The following IRAK2 variants were observed in gnomAD, a reference collection of about 807,000 sequenced individuals.
The protein encoded by IRAK2 is interleukin 1 receptor associated kinase 2.
A neutral mutation model predicts 72.0 loss-of-function variants in IRAK2; 57 were observed. The ratio of observed to expected loss-of-function variants is 0.79; its 90% CI spans 0.64 to 0.99. IRAK2 has a LOEUF of 0.99. Among genes scored for constraint, IRAK2 ranks in the 50% least tolerant of loss-of-function variants. The pLI, the probability that IRAK2 is intolerant of heterozygous loss-of-function variation, is 0.00. For synonymous variants in IRAK2, 293 were observed against 312.7 expected, an observed-to-expected ratio of 0.94 and a Z score of 0.67; for missense variants, 790 against 794.4, an observed-to-expected ratio of 0.99 and a Z score of 0.07.
Position 10,200,459 on chromosome 3 carries a change from C to G in IRAK2, c.368C>G (p.Ala123Gly), listed in dbSNP as rs1005302033. 6.2e-7 allele frequency: 1 copy of G among 1,607,740 alleles called. No individual in the cohort carries two copies. Among genetic ancestry groups the G allele is most frequent in the African/African-American group, 1.3e-5 (1 of 74,848 alleles). Residue 123 changes from alanine to glycine, a missense_variant, in exon 3 of 13, where the codon GCT becomes GGT. Ala to Gly is a moderately conservative substitution (Grantham distance 60). Coordinates refer to ENST00000256458, the MANE Select transcript of IRAK2 (RefSeq NM_001570.4). Reference protein sequence around the residue: ...EKPLAASVRKAEDEQEEGQPV... With the variant: ...EKPLAASVRKGEDEQEEGQPV... ...CCTTTGGCAGCTTCTGTAAGAAAGG[C>G]TGAGGATGAACAGGAAGAGGGGCAG...
chr3:10,229,792 A>G (rs1477552852), intron 10 of IRAK2, among the ~76,000 whole-genome samples: 1 of 152,178 alleles, frequency 6.6e-6, no homozygotes, highest in Non-Finnish European at 1.5e-5. Context: ...CAACACAAAC[A>G]TTCTTATTTT....
chr3:10,181,474 C>T (rs536268548), intron 2 of IRAK2, among the ~76,000 whole-genome samples: 63 of 152,076 alleles, frequency 4.1e-4, no homozygotes, highest in African/African-American at 1.4e-3. Flanking sequence ...TAGCTGGGCT[C>T]CTGTAGTCCC....
intron 10 of IRAK2, among the ~76,000 whole-genome samples, chr3:10,230,181 G>C (rs1022330470): frequency 2.0e-5 from 3 of 152,072 alleles, no homozygotes; most frequent in Non-Finnish European, 4.4e-5. Context: ...ATTCAGAATA[G>C]TATATAGTAT....
In IRAK2 at chr3:10,242,258, C is replaced by A; in HGVS notation, c.*30C>A. ...CGGAACACAGCTGAGGACCCTTGTCCTCAGTTGGAAAGATGAGCATCAGAT... is the reference window on the plus strand; with the variant it reads ...CGGAACACAGCTGAGGACCCTTGTCATCAGTTGGAAAGATGAGCATCAGAT... On this transcript the variant is annotated 3_prime_UTR_variant, in exon 13 of 13. Transcript: ENST00000256458. 1 of 1,328,748 alleles carries A rather than the reference C, an allele frequency of 7.5e-7. No individual in the cohort carries two copies. The allele number at this position is 1,328,748 out of a possible 1,614,324, so 82.3% of individuals were successfully genotyped here.
At chr3:10,220,545 C>T (rs6799651) in intron 8 of IRAK2, among the ~76,000 whole-genome samples, 2,066 of 152,132 alleles carry the variant, frequency 0.014, 32 homozygotes, top group African/African-American at 0.047. Flanking sequence ...CTGGTTCAAG[C>T]GATTCTCCTG....
At chr3:10,217,091 C>T (rs1471818955) in intron 7 of IRAK2, 43 bp downstream of exon 7, 21 of 1,399,846 alleles carry the variant, frequency 1.5e-5, no homozygotes, top group African/African-American at 2.8e-5. Flanking sequence ...CCAGGCTGCA[C>T]CCAGCCATGG....
At position 10,165,018 on chromosome 3, in the gene IRAK2, G is replaced by A; in HGVS notation, c.64G>A (p.Ala22Thr). 6.2e-7 allele frequency: 1 copy of A among 1,611,718 alleles called. No individual in the cohort carries two copies. The highest frequency in any genetic ancestry group is 1.1e-5 in the South Asian group (1 of 90,950). Reference sequence around the variant, plus strand: ...GGACGACCTGTGCCGCAACATGGACGCGCTCAGCGAGTGGGACTGGATGGA... The same window carrying A: ...GGACGACCTGTGCCGCAACATGGACACGCTCAGCGAGTGGGACTGGATGGA... ...VLDDLCRNMD[A>T]LSEWDWMEFA... is the part of the protein sequence containing the mutation. The change falls in exon 1 of 13, where the codon GCG becomes ACG. Residue 22 changes from alanine to threonine, a missense_variant. Transcript: ENST00000256458.
At chr3:10,176,827 G>C (rs1424321787) in intron 1 of IRAK2, among the ~76,000 whole-genome samples, 1 of 148,910 alleles carries the variant, frequency 6.7e-6, no homozygotes. Flanking sequence ...TTTTGAGATG[G>C]AGTCTCGCTC....
rs142264208 is a variant in IRAK2, at chr3:10,176,283, C to A, written c.95-1555C>A. Among the ~76,000 whole-genome samples the A allele has an allele frequency of 9.4e-4, 143 of 152,080 alleles. 1 individual carries two copies. Among genetic ancestry groups the A allele is most frequent in the African/African-American group, 3.4e-3 (140 of 41,498 alleles). On this transcript the variant is annotated intron_variant, in intron 1 of 12. Coordinates refer to ENST00000256458, the MANE Select transcript of IRAK2 (RefSeq NM_001570.4). ...GTATGTGTGTGTGTTTTCATTCAGT[C>A]ATTCACTTAGCATATCTTTTTTGTT...
At chr3:10,238,478 C>A (rs1698000869) in intron 11 of IRAK2, among the ~76,000 whole-genome samples, 1 of 152,146 alleles carries the variant, frequency 6.6e-6, no homozygotes, top group Non-Finnish European at 1.5e-5. Context: ...CAGCTTCGAT[C>A]ACATGCCCAA....
chr3:10,171,206 C>G (rs1575950216), intron 1 of IRAK2, among the ~76,000 whole-genome samples: 1 of 152,158 alleles, frequency 6.6e-6, no homozygotes, highest in Admixed American at 6.5e-5. Context: ...GGCGCAGGGG[C>G]TCTTCTGTGT....
chr3:10,226,820 C>T (rs74957582), intron 10 of IRAK2, among the ~76,000 whole-genome samples: 1 of 151,828 alleles, frequency 6.6e-6, no homozygotes, highest in Non-Finnish European at 1.5e-5. Context: ...GTCGCATGTG[C>T]CTGTAATCCC....
chr3:10,225,704 T>G (rs1640800412), intron 9 of IRAK2, among the ~76,000 whole-genome samples: 1 of 150,876 alleles, frequency 6.6e-6, no homozygotes. Flanking sequence ...TTTTGGTGTT[T>G]TTTTTTTTTT....
intron 11 of IRAK2, among the ~76,000 whole-genome samples, chr3:10,235,000 C>T (rs1697933055): frequency 6.6e-6 from 1 of 152,202 alleles, no homozygotes; most frequent in Non-Finnish European, 1.5e-5. Context: ...CAGTTTATAA[C>T]AGAGAGATGA....
intron 12 of IRAK2, among the ~76,000 whole-genome samples, chr3:10,239,768 G>T (rs117951009): frequency 6.6e-6 from 1 of 151,978 alleles, no homozygotes; most frequent in Admixed American, 6.6e-5. Flanking sequence ...GTCATCCCTC[G>T]TTCAAAGTCC....
At chr3:10,239,094 G>C in intron 12 of IRAK2, 55 bp downstream of exon 12, 1 of 1,453,064 alleles carries the variant, frequency 6.9e-7, no homozygotes, top group African/African-American at 1.4e-5. Flanking sequence ...CCCAACTTCA[G>C]CCCATCATTT....
At chr3:10,170,923 A>C (rs913356304) in intron 1 of IRAK2, among the ~76,000 whole-genome samples, 1 of 152,166 alleles carries the variant, frequency 6.6e-6, no homozygotes, top group African/African-American at 2.4e-5. Flanking sequence ...CAGTCCTAAA[A>C]ATTCTTGGCT....
chr3:10,204,373 T>C (rs570255348), intron 3 of IRAK2, among the ~76,000 whole-genome samples: 1 of 152,270 alleles, frequency 6.6e-6, no homozygotes, highest in South Asian at 2.1e-4. Context: ...GGGCAGGACA[T>C]AGAAGACCCC....
At chr3:10,219,853 C>T in intron 8 of IRAK2, 64 bp downstream of exon 8, 2 of 1,100,682 alleles carry the variant, frequency 1.8e-6, no homozygotes, top group East Asian at 2.4e-5. Context: ...GTGCCTATTC[C>T]TGGCTCACCT....
Sources: allele counts gnomAD v4.1 joint callset (sites outside exome capture counted in the v4.1 genomes callset), GRCh38; gene constraint gnomAD v4.1.1; transcripts MANE v1.5; gene names NCBI Gene and HGNC (gene_info 2026-07-23, HGNC 2026-07-21).